BSN: variants seen among roughly 807,000 people sequenced by gnomAD.
The protein encoded by BSN is bassoon presynaptic cytomatrix protein.
In BSN, 57 loss-of-function variants were observed where a neutral mutation model predicts 264.8. That is an observed-to-expected ratio of 0.22 (90% CI 0.17 to 0.27). The LOEUF (loss-of-function observed/expected upper bound fraction) is 0.27. BSN is among the 10% of genes least tolerant of loss of function. The pLI is 1.00. For missense variants in BSN, 4,615 were observed against 5,232.5 expected, an observed-to-expected ratio of 0.88 and a Z score of 3.64; for synonymous variants, 2,059 against 2,137.3, an observed-to-expected ratio of 0.96 and a Z score of 1.01.
chr3:49,598,706 C>T (rs117273204), intron 1 of BSN, among the ~76,000 whole-genome samples: 96 of 152,222 alleles, frequency 6.3e-4, no homozygotes, highest in East Asian at 2.3e-3. Context: ...CGTGCCCGGC[C>T]GCCACCATTA....
intron 1 of BSN, among the ~76,000 whole-genome samples, chr3:49,606,260 T>A (rs1269100868): frequency 1.9e-5 from 1 of 52,184 alleles, no homozygotes; most frequent in Admixed American, 3.1e-4. Context: ...ATATATAAAA[T>A]ATATATAATA....
chr3:49,581,342 C>A (rs1180701309), intron 1 of BSN, among the ~76,000 whole-genome samples: 1 of 152,162 alleles, frequency 6.6e-6, no homozygotes, highest in Non-Finnish European at 1.5e-5. Context: ...AGTAGTCCCC[C>A]CTTATCTGCG....
At chr3:49,581,129 G>A (rs1343280196) in intron 1 of BSN, among the ~76,000 whole-genome samples, 3 of 152,208 alleles carry the variant, frequency 2.0e-5, no homozygotes, top group South Asian at 2.1e-4. Context: ...CTACAGAAGT[G>A]TGCCACCATG....
intron 8 of BSN, 108 bp from the exon 9 acceptor site, chr3:49,664,315 C>A (rs922413164): frequency 4.6e-5 from 66 of 1,441,862 alleles, no homozygotes; most frequent in Non-Finnish European, 6.3e-5. Context: ...TCTCACCTTC[C>A]CACCTTATAG....
chr3:49,664,533 C>A lies in BSN; in HGVS notation c.11719C>A (p.Gln3907Lys), dbSNP rs2052696712. The A allele has an allele frequency of 6.2e-7, 1 of 1,608,152 alleles. No individual in the cohort carries two copies. The highest frequency in any genetic ancestry group is 1.1e-5 in the South Asian group (1 of 90,298). Residue 3907 changes from glutamine to lysine, a missense_variant, in exon 9 of 12, where the codon CAA becomes AAA. Physicochemically the swap from Gln to Lys is moderately conservative, Grantham distance 53. This residue lies in a region of BSN where 3,415 missense variants were observed against 3,866.4 expected (regional missense o/e 0.88). Transcript: ENST00000296452. ...GATCCTCCCTGGCGGGGCAGCCGAG[C>A]AAGCTGGCAAACTGACGGAAGGTAT... ...SKILPGGAAE[Q>K]AGKLTEAVSA...
rs1371036525 is a variant in BSN, at chr3:49,638,682, G to A, written c.634-3586G>A. On this transcript the variant is annotated intron_variant, in intron 2 of 11. Coordinates refer to ENST00000296452, the MANE Select transcript of BSN (RefSeq NM_003458.4). This position sits in a 1 kb window ranked among gnomAD's most constrained non-coding sequence, Gnocchi z 4.3. ...TTTTCTTGGAGAAGTTCTATTTTAG[G>A]TGAGATGCCTGTGCCACAGCCTGGA... Among the ~76,000 whole-genome samples the A allele has an allele frequency of 6.6e-6, 1 of 152,216 alleles. No homozygotes were observed. Among genetic ancestry groups the A allele is most frequent in the African/African-American group, 2.4e-5 (1 of 41,458 alleles).
At chr3:49,568,122 C>A (rs1289762282) in intron 1 of BSN, among the ~76,000 whole-genome samples, 1 of 152,176 alleles carries the variant, frequency 6.6e-6, no homozygotes, top group East Asian at 1.9e-4. Context: ...AACACAGTCA[C>A]AAGATCCTGC....
chr3:49,595,038 G>A (rs2052010967), intron 1 of BSN, among the ~76,000 whole-genome samples: 1 of 151,692 alleles, frequency 6.6e-6, no homozygotes, highest in African/African-American at 2.4e-5. Flanking sequence ...CCACAGGCGT[G>A]CACCATCATG....
intron 11 of BSN, among the ~76,000 whole-genome samples, chr3:49,666,760 T>G (rs1575454518): frequency 3.6e-5 from 5 of 137,284 alleles, no homozygotes; most frequent in African/African-American, 5.5e-5. Context: ...AGGGGAGAGG[T>G]GGTCAGGGGT....
chr3:49,572,334 C>T (rs2051803520), intron 1 of BSN, among the ~76,000 whole-genome samples: 1 of 152,116 alleles, frequency 6.6e-6, no homozygotes, highest in Non-Finnish European at 1.5e-5. Context: ...GCCTTGAAGT[C>T]AGTGGGAGCA....
rs147953739 is a variant in BSN, at chr3:49,651,574, C to T, written c.2018C>T (p.Ala673Val). The T allele has an allele frequency of 7.8e-4, 1,241 of 1,594,998 alleles. No individual in the cohort carries two copies. Among genetic ancestry groups the T allele is most frequent in the Non-Finnish European group, 1.0e-3 (1,194 of 1,169,014 alleles). Residue 673 changes from alanine to valine, a missense_variant, in exon 5 of 12, where the codon GCG becomes GTG. Transcript: ENST00000296452. This position sits in a 1 kb window ranked among gnomAD's most constrained non-coding sequence, Gnocchi z 5.4. ...DLVGKPYSQD[A>V]SRSPQSLSDT... ...GTGGGCAAGCCTTACTCTCAGGATG[C>T]GTCTCGGAGCCCACAGAGCCTCAGT... is the stretch of plus-strand genomic sequence containing the variant.
At position 49,662,400 on chromosome 3, in the gene BSN, G is replaced by A. The variant is rs1415201909; in HGVS notation, c.10555G>A (p.Gly3519Arg). The A allele has an allele frequency of 6.2e-7, 1 of 1,613,582 alleles. No individual in the cohort carries two copies. Among genetic ancestry groups the A allele is most frequent in the Non-Finnish European group, 8.5e-7 (1 of 1,179,986 alleles). Residue 3519 changes from glycine (G) to arginine (R), a missense_variant, in exon 6 of 12, where the codon GGG becomes AGG. Coordinates refer to ENST00000296452, the MANE Select transcript of BSN (RefSeq NM_003458.4). ...SPLGRPRPAG[G>R]PLPPGGDTCP... ...TTTGGGGAGGCCCCGCCCTGCCGGA[G>A]GGCCCCTCCCTCCCGGCGGGGATAC...
intron 1 of BSN, among the ~76,000 whole-genome samples, chr3:49,588,975 C>T (rs2051956073): frequency 6.7e-6 from 1 of 149,792 alleles, no homozygotes; most frequent in Non-Finnish European, 1.5e-5. Context: ...AGTGCAGTGG[C>T]GCGATCTCCA....
At chr3:49,623,747 A>G (rs1411886163) in intron 1 of BSN, among the ~76,000 whole-genome samples, 1 of 152,224 alleles carries the variant, frequency 6.6e-6, no homozygotes, top group African/African-American at 2.4e-5. Flanking sequence ...GGCCCCTGAT[A>G]CAGGAGATGG....
chr3:49,554,882 C>G, intron 1 of BSN, 56 bp downstream of exon 1: 3 of 1,073,010 alleles, frequency 2.8e-6, no homozygotes, highest in Non-Finnish European at 3.5e-6. Flanking sequence ...AGGCCGGGAC[C>G]CGGGCCCAGG....
chr3:49,570,986 TC>T (rs2051791004), intron 1 of BSN, among the ~76,000 whole-genome samples: 1 of 152,194 alleles, frequency 6.6e-6, no homozygotes, highest in Non-Finnish European at 1.5e-5. Flanking sequence ...AGCTGAGCCT[TC>T]CAGCAAAGTT....
Position 49,655,748 on chromosome 3 carries a change from G to A in BSN, c.6192G>A (p.Val2064=). Residue 2064 remains valine, a synonymous_variant, in exon 5 of 12, where the codon GTG becomes GTA. Coordinates refer to ENST00000296452, the MANE Select transcript of BSN (RefSeq NM_003458.4). ...TTCCCATGCGGCGCTATAGCTCAGT[G>A]TCGAACATCTACTCAGACCACAGGT... is the stretch of plus-strand genomic sequence containing the variant. ...HPLPMRRYSS[V]SNIYSDHRYG... 1 of 1,613,508 alleles carries A rather than the reference G, an allele frequency of 6.2e-7. No homozygotes were observed. Among genetic ancestry groups the A allele is most frequent in the Non-Finnish European group, 8.5e-7 (1 of 1,180,046 alleles).
At chr3:49,584,356 C>T (rs1372770284) in intron 1 of BSN, among the ~76,000 whole-genome samples, 1 of 150,816 alleles carries the variant, frequency 6.6e-6, no homozygotes, top group African/African-American at 2.4e-5. Context: ...TTCTGTATTT[C>T]ACCTCTAATC....
chr3:49,645,219 C>T (rs531357138), intron 3 of BSN, among the ~76,000 whole-genome samples: 3 of 152,196 alleles, frequency 2.0e-5, no homozygotes, highest in East Asian at 3.9e-4. Flanking sequence ...TCAGGCTGCT[C>T]CTGACAGCAG....
Sources: gnomAD v4.1 joint callset for allele counts (sites outside exome capture counted in the v4.1 genomes callset) on GRCh38, gnomAD v4.1.1 for gene constraint, gnomAD v4.1.1 regional missense constraint, Gnocchi (gnomAD v3.1) non-coding constraint, MANE v1.5 for transcripts, NCBI Gene and HGNC (gene_info 2026-07-23, HGNC 2026-07-21) for gene names.